SLC24A3: variants seen among roughly 807,000 people sequenced by gnomAD.
SLC24A3 encodes sodium/potassium/calcium exchanger 3.
SLC24A3 carries 28 observed loss-of-function variants against 75.8 expected under a neutral mutation model. The observed-to-expected ratio is 0.37, with a 90% confidence interval of 0.27 to 0.51. SLC24A3 has a LOEUF of 0.51. Ranked by LOEUF, SLC24A3 falls within the 20% of genes least tolerant of loss-of-function variation. The pLI is 0.94. For synonymous variants in SLC24A3, 372 were observed against 334.1 expected (o/e 1.11, Z -1.24); for missense variants, 663 against 847.8 (o/e 0.78, Z 2.71).
chr20:19,444,970 GT>G (rs1987356245), intron 2 of SLC24A3, among the ~76,000 whole-genome samples: 1 of 151,894 alleles, frequency 6.6e-6, no homozygotes, highest in Non-Finnish European at 1.5e-5. Context: ...TGCATTCACT[GT>G]AAGCACTATT....
intron 3 of SLC24A3, among the ~76,000 whole-genome samples, chr20:19,567,866 T>C (rs908825317): frequency 5.3e-5 from 8 of 152,036 alleles, no homozygotes; most frequent in African/African-American, 1.9e-4. Context: ...TGGGAGAAAA[T>C]ATTTGCAAAT....
intron 1 of SLC24A3, among the ~76,000 whole-genome samples, chr20:19,260,245 G>A (rs1426887903): frequency 2.6e-5 from 4 of 152,214 alleles, no homozygotes; most frequent in Non-Finnish European, 2.9e-5. Context: ...ATAACAGGTA[G>A]CCTGCGACCT....
intron 2 of SLC24A3, among the ~76,000 whole-genome samples, chr20:19,438,809 G>T (rs964867748): frequency 6.6e-6 from 1 of 152,176 alleles, no homozygotes; most frequent in African/African-American, 2.4e-5. Flanking sequence ...ACCCTCACAG[G>T]GTAGGTAGTG....
At chr20:19,217,928 G>A (rs1981607860) in intron 1 of SLC24A3, among the ~76,000 whole-genome samples, 1 of 152,068 alleles carries the variant, frequency 6.6e-6, no homozygotes, top group Non-Finnish European at 1.5e-5. Flanking sequence ...TCCCTTCATA[G>A]CATTTATCAC....
intron 2 of SLC24A3, among the ~76,000 whole-genome samples, chr20:19,406,309 A>G (rs1986646199): frequency 6.6e-6 from 1 of 152,102 alleles, no homozygotes; most frequent in South Asian, 2.1e-4. Context: ...ATTCCACCTA[A>G]GAATTTTTGT....
Position 19,700,279 on chromosome 20 carries a change from C to T in SLC24A3, c.1719+1599C>T, listed in dbSNP as rs1195680836. On this transcript the variant is annotated intron_variant, in intron 15 of 16. Coordinates refer to ENST00000328041, the MANE Select transcript of SLC24A3 (RefSeq NM_020689.4). ...ATCCTGGCAGCTCTCATGTCTCTTC[C>T]AAGCAGAAACTCAGGGTTTGTGGCA... is the stretch of plus-strand genomic sequence containing the variant. 2.0e-5 allele frequency among the ~76,000 whole-genome samples: 3 copies of T among 152,142 alleles called. No homozygotes were observed. In the East Asian group the frequency reaches 5.8e-4, roughly 29 times the overall value.
intron 2 of SLC24A3, among the ~76,000 whole-genome samples, chr20:19,459,515 G>A (rs1987635030): frequency 6.6e-6 from 1 of 152,164 alleles, no homozygotes; most frequent in African/African-American, 2.4e-5. Context: ...GTATGCCTTT[G>A]AGACATCACG....
Position 19,428,738 on chromosome 20 carries a change from T to C in SLC24A3, c.272-86750T>C, listed in dbSNP as rs192173592. ...CAGATTCCATCACTTCTTGGCCACG[T>C]GGTGTTGGGTACGTTGCAGCTTCCT... On this transcript the variant is annotated intron_variant, in intron 2 of 16. Coordinates refer to ENST00000328041, the MANE Select transcript of SLC24A3 (RefSeq NM_020689.4). 9.0e-3 allele frequency among the ~76,000 whole-genome samples: 1,377 copies of C among 152,234 alleles called. 16 individuals carry two copies. Among genetic ancestry groups the C allele is most frequent in the Middle Eastern group, 0.02 (6 of 294 alleles).
At chr20:19,293,188 A>G (rs900717542) in intron 2 of SLC24A3, among the ~76,000 whole-genome samples, 4 of 152,014 alleles carry the variant, frequency 2.6e-5, no homozygotes, top group Non-Finnish European at 5.9e-5. Context: ...CTCCATTTTA[A>G]CCACAAATAC....
intron 2 of SLC24A3, among the ~76,000 whole-genome samples, chr20:19,372,365 A>G (rs1190289244): frequency 1.3e-5 from 2 of 152,250 alleles, no homozygotes; most frequent in Non-Finnish European, 2.9e-5. Context: ...CAAGAAAGAC[A>G]GGAACATCCA....
At chr20:19,674,073 A>G (rs576851533) in intron 9 of SLC24A3, among the ~76,000 whole-genome samples, 11 of 152,330 alleles carry the variant, frequency 7.2e-5, no homozygotes, top group Middle Eastern at 3.4e-3. Context: ...TGGTCTGTGT[A>G]GACCCAGTCT....
At chr20:19,442,858 T>G (rs1987318945) in intron 2 of SLC24A3, among the ~76,000 whole-genome samples, 3 of 152,202 alleles carry the variant, frequency 2.0e-5, no homozygotes, top group Admixed American at 1.3e-4. Context: ...CCATTTTGAG[T>G]TAATTTTTGG....
chr20:19,525,083 A>C (rs2030173949), intron 3 of SLC24A3, among the ~76,000 whole-genome samples: 1 of 152,152 alleles, frequency 6.6e-6, no homozygotes. Context: ...AATAAACACT[A>C]TCCAGCAGGA....
chr20:19,315,138 C>G (rs1984555898), intron 2 of SLC24A3, among the ~76,000 whole-genome samples: 1 of 152,304 alleles, frequency 6.6e-6, no homozygotes, highest in Admixed American at 6.5e-5. Flanking sequence ...CATTACTGTG[C>G]TCAGATTCGC....
chr20:19,634,309 T>G (rs1239105884), intron 6 of SLC24A3, among the ~76,000 whole-genome samples: 13 of 152,114 alleles, frequency 8.5e-5, no homozygotes, highest in Admixed American at 8.5e-4. Flanking sequence ...TCTCTCCCAC[T>G]CCTGGGAGCC....
intron 15 of SLC24A3, among the ~76,000 whole-genome samples, chr20:19,715,600 G>C (rs2033036863): frequency 6.6e-6 from 1 of 152,152 alleles, no homozygotes; most frequent in Non-Finnish European, 1.5e-5. Flanking sequence ...CATCTTCACA[G>C]AAAGGGTTGG....
chr20:19,370,220 TATTA>T (rs1458720878), intron 2 of SLC24A3, among the ~76,000 whole-genome samples: 1 of 152,206 alleles, frequency 6.6e-6, no homozygotes, highest in African/African-American at 2.4e-5. Context: ...GATCTAAGCA[TATTA>T]ATTGTTTTTT....
At chr20:19,573,416 A>G (rs1045893860) in intron 3 of SLC24A3, among the ~76,000 whole-genome samples, 2 of 152,232 alleles carry the variant, frequency 1.3e-5, no homozygotes, top group Non-Finnish European at 2.9e-5. Flanking sequence ...TCCTGGGTCA[A>G]TAGCCACTTC....
chr20:19,688,062 A>G (rs760572935), intron 12 of SLC24A3, among the ~76,000 whole-genome samples: 15 of 152,200 alleles, frequency 9.9e-5, no homozygotes, highest in Non-Finnish European at 2.2e-4. Context: ...TGGGGTCTCC[A>G]TGTCATTCAA....
Sources: allele counts gnomAD v4.1 joint callset (sites outside exome capture counted in the v4.1 genomes callset), GRCh38; gene constraint gnomAD v4.1.1; transcripts MANE v1.5; gene names NCBI Gene and HGNC (gene_info 2026-07-23, HGNC 2026-07-21).